Variants in CNGB3 observed in about 807,000 individuals in gnomAD.
CNGB3 encodes cyclic nucleotide gated channel subunit beta 3, also known as cyclic nucleotide-gated channel beta-3.
A neutral mutation model predicts 92.8 loss-of-function variants in CNGB3; 86 were observed. The ratio of observed to expected loss-of-function variants is 0.93; its 90% confidence interval spans 0.78 to 1.11. The LOEUF is 1.11. Among genes scored for constraint, CNGB3 ranks in the 50% least tolerant of loss-of-function variants. CNGB3 has a pLI of 0.00. For synonymous variants in CNGB3, 333 were observed against 332.7 expected (o/e 1.00, Z -0.01); for missense variants, 1,026 against 956.8 (o/e 1.07, Z -0.95).
intron 11 of CNGB3, among the ~76,000 whole-genome samples, chr8:86,631,440 G>C (rs147572596): frequency 6.6e-6 from 1 of 152,016 alleles, no homozygotes; most frequent in Non-Finnish European, 1.5e-5. Context: ...TCTTCCATAC[G>C]ACCCTATGAA....
At chr8:86,658,370 A>C in intron 6 of CNGB3, 3 of 432,508 alleles carry the variant, frequency 6.9e-6, no homozygotes, top group Non-Finnish European at 1.3e-5. Context: ...CTCCTTCCCC[A>C]TGGAGAGCCA....
Position 86,632,801 on chromosome 8 carries a change from A to G in CNGB3, c.1271T>C (p.Leu424Pro). 1 of 1,613,108 alleles carries G rather than the reference A, an allele frequency of 6.2e-7. No individual in the cohort carries two copies. Among genetic ancestry groups the G allele is most frequent in the Non-Finnish European group, 8.5e-7 (1 of 1,179,838 alleles). Reference protein sequence around the residue: ...PQTLFEIVFQLLNFFSGVFVF... With the variant: ...PQTLFEIVFQPLNFFSGVFVF... ...AAAAACTCCAGAAAAAAAATTCAAG[A>G]GTTGAAAAACAATTTCAAATAAAGT... The change falls in exon 11 of 18, where the codon CTC becomes CCC. Residue 424 changes from leucine (L) to proline (P), a missense_variant. Leu to Pro is a moderately conservative substitution (Grantham distance 98). Transcript: ENST00000320005.
intron 2 of CNGB3, among the ~76,000 whole-genome samples, chr8:86,730,840 A>C (rs977794516): frequency 6.6e-6 from 1 of 152,222 alleles, no homozygotes; most frequent in Admixed American, 6.5e-5. Flanking sequence ...GGAAGTTGAC[A>C]ACATTACAGC....
intron 3 of CNGB3, among the ~76,000 whole-genome samples, chr8:86,715,540 G>T (rs1824835849): frequency 6.6e-6 from 1 of 151,978 alleles, no homozygotes; most frequent in Non-Finnish European, 1.5e-5. Context: ...AAAAGAATCT[G>T]AACAGCAGCC....
intron 3 of CNGB3, among the ~76,000 whole-genome samples, chr8:86,686,136 A>G (rs1189597731): frequency 6.6e-6 from 1 of 152,118 alleles, no homozygotes; most frequent in Non-Finnish European, 1.5e-5. Context: ...TCTCCTGATG[A>G]ACATTGTCAT....
At chr8:86,721,226 A>G (rs1824966922) in intron 3 of CNGB3, among the ~76,000 whole-genome samples, 1 of 152,112 alleles carries the variant, frequency 6.6e-6, no homozygotes, top group Non-Finnish European at 1.5e-5. Flanking sequence ...TTGGCCTCCC[A>G]AAGGTCAGTC....
chr8:86,643,711 A>G, intron 10 of CNGB3, 40 bp downstream of exon 10: 2 of 1,594,816 alleles, frequency 1.3e-6, no homozygotes, highest in Non-Finnish European at 1.7e-6. Flanking sequence ...CAGAATGTTA[A>G]AAATAATCAA....
intron 3 of CNGB3, among the ~76,000 whole-genome samples, chr8:86,702,296 A>G (rs976111593): frequency 1.3e-5 from 2 of 152,198 alleles, no homozygotes; most frequent in Non-Finnish European, 2.9e-5. Flanking sequence ...AGAATCCACT[A>G]GTGGGACAAT....
intron 13 of CNGB3, among the ~76,000 whole-genome samples, chr8:86,624,208 C>G (rs555636619): frequency 6.6e-6 from 1 of 152,178 alleles, no homozygotes; most frequent in Non-Finnish European, 1.5e-5. Context: ...CACTTGAAGT[C>G]AGGAGTTCAA....
In CNGB3 at chr8:86,629,020, T is replaced by C; in HGVS notation, c.1379A>G (p.Asp460Gly). ...ANQNYFRACM[D>G]DTIAYMNNYS... is the part of the protein sequence containing the mutation. ...ATTGTTCATGTAGGCAATGGTGTCA[T>C]CCATGCAGGCGCGGAAGTAGTTCTG... Residue 460 changes from aspartate to glycine, a missense_variant, in exon 12 of 18, where the codon GAT becomes GGT. Physicochemically the swap from Asp to Gly is moderately conservative, Grantham distance 94. Coordinates refer to ENST00000320005, the MANE Select transcript of CNGB3 (RefSeq NM_019098.5). 1 of 1,614,052 alleles carries C rather than the reference T, an allele frequency of 6.2e-7. No individual in the cohort carries two copies. The highest frequency in any genetic ancestry group is 8.5e-7 in the Non-Finnish European group (1 of 1,179,960).
intron 15 of CNGB3, among the ~76,000 whole-genome samples, chr8:86,586,068 A>C (rs1208433900): frequency 2.0e-5 from 3 of 152,174 alleles, no homozygotes; most frequent in Admixed American, 2.0e-4. Context: ...TGTGCTTTGA[A>C]GGTCAATCAT....
intron 3 of CNGB3, among the ~76,000 whole-genome samples, chr8:86,698,262 A>G (rs1299833457): frequency 2.0e-5 from 3 of 152,220 alleles, no homozygotes; most frequent in Admixed American, 1.3e-4. Context: ...TGTTATTTAG[A>G]TAGTCTTTGA....
At chr8:86,630,138 T>C (rs970510182) in intron 11 of CNGB3, among the ~76,000 whole-genome samples, 2 of 152,326 alleles carry the variant, frequency 1.3e-5, no homozygotes, top group Non-Finnish European at 2.9e-5. Context: ...GCTATGCAGC[T>C]AGTCCAACTG....
At chr8:86,585,281 A>G (rs1260541346) in intron 15 of CNGB3, among the ~76,000 whole-genome samples, 1 of 152,146 alleles carries the variant, frequency 6.6e-6, no homozygotes, top group Non-Finnish European at 1.5e-5. Context: ...CATATGCAAC[A>G]GACATTTATA....
At chr8:86,741,704 A>G (rs1446703474) in intron 1 of CNGB3, among the ~76,000 whole-genome samples, 1 of 152,138 alleles carries the variant, frequency 6.6e-6, no homozygotes, top group Non-Finnish European at 1.5e-5. Context: ...TGATGCCAGT[A>G]GACTTCGCGA....
chr8:86,686,659 T>C (rs1326436895), intron 3 of CNGB3, among the ~76,000 whole-genome samples: 2 of 151,900 alleles, frequency 1.3e-5, no homozygotes, highest in Non-Finnish European at 2.9e-5. Context: ...TCTGCATTGA[T>C]AAGAGGCTGG....
At chr8:86,643,066 T>TA (rs1052284134) in intron 10 of CNGB3, among the ~76,000 whole-genome samples, 2 of 150,798 alleles carry the variant, frequency 1.3e-5, no homozygotes, top group Admixed American at 6.6e-5. Flanking sequence ...TGATCCAGAG[T>TA]AAAAAATGCA....
chr8:86,743,590 G>T lies in CNGB3; in HGVS notation c.38C>A (p.Pro13His). The T allele has an allele frequency of 6.2e-7, 1 of 1,613,954 alleles. No homozygotes were observed. Among genetic ancestry groups the T allele is most frequent in the South Asian group, 1.1e-5 (1 of 91,078 alleles). Residue 13 changes from proline to histidine, a missense_variant, in exon 1 of 18, where the codon CCT becomes CAT. Transcript: ENST00000320005. The part of the protein sequence containing the change: ...KSLTKVNKVK[P>H]IGENNENEQS... The stretch of plus-strand genomic sequence containing the variant: ...TTCATTCTCATTGTTCTCTCCTATA[G>T]GCTTCACCTTGTTGACTTTTGTCAG...
At chr8:86,649,724 T>C (rs1319906328) in intron 7 of CNGB3, among the ~76,000 whole-genome samples, 1 of 151,612 alleles carries the variant, frequency 6.6e-6, no homozygotes, top group Non-Finnish European at 1.5e-5. Flanking sequence ...AAAACTCTTC[T>C]GGACATTGGC....
Sources: allele counts gnomAD v4.1 joint callset (sites outside exome capture counted in the v4.1 genomes callset), GRCh38; gene constraint gnomAD v4.1.1; transcripts MANE v1.5; gene names NCBI Gene and HGNC (gene_info 2026-07-23, HGNC 2026-07-21).